The following PLIN2 variants were observed in gnomAD, a reference collection of about 807,000 sequenced individuals.
PLIN2 encodes the protein perilipin-2.
Under a neutral mutation model 30.6 loss-of-function variants are expected in PLIN2, and 33 were observed. The observed-to-expected ratio is 1.08, with a 90% CI of 0.82 to 1.44. PLIN2 has a LOEUF of 1.44. Ranked by LOEUF, PLIN2 falls within the 40% of genes most tolerant of loss-of-function variation. The probability of loss-of-function intolerance (pLI) is 0.00; values close to 1 mark genes in which losing one functional copy is unlikely to be tolerated. For missense variants in PLIN2, 610 were observed against 531.8 expected, an observed-to-expected ratio of 1.15 and a Z score of -1.45; for synonymous variants, 205 against 201.1, an observed-to-expected ratio of 1.02 and a Z score of -0.16.
Position 19,123,629 on chromosome 9 carries a change from T to C in PLIN2, c.245A>G (p.Tyr82Cys), listed in dbSNP as rs1402895647. 6.2e-6 allele frequency: 10 copies of C among 1,614,004 alleles called. No individual in the cohort carries two copies. Among genetic ancestry groups the C allele is most frequent in the Non-Finnish European group, 4.2e-6 (5 of 1,179,906 alleles). Reference sequence around the variant, plus strand: ...AATCCTGTCTAGCCCCTTACAGGCATAGGTATTGGCAACTGCAACTAGAAT... The same window carrying C: ...AATCCTGTCTAGCCCCTTACAGGCACAGGTATTGGCAACTGCAACTAGAAT... ...LEPQIAVANTYACKGLDRIEE... is the reference protein window; with the variant it reads ...LEPQIAVANTCACKGLDRIEE... Residue 82 changes from tyrosine (Y) to cysteine (C), a missense_variant, in exon 4 of 8, where the codon TAT (tyrosine) becomes TGT (cysteine). Coordinates refer to ENST00000276914, the MANE Select transcript of PLIN2 (RefSeq NM_001122.4).
At chr9:19,126,762 C>T (rs1451557819) in intron 1 of PLIN2, among the ~76,000 whole-genome samples, 1 of 152,212 alleles carries the variant, frequency 6.6e-6, no homozygotes, top group East Asian at 1.9e-4. Flanking sequence ...GCTAGCCAAG[C>T]CGGACGCGGT....
At position 19,116,580 on chromosome 9, in the gene PLIN2, G is replaced by A. The variant is rs372188927; in HGVS notation, c.982C>T (p.Leu328Phe). Residue 328 changes from leucine (L) to phenylalanine (F), a missense_variant, in exon 8 of 8, where the codon CTC becomes TTC. By Grantham distance (22) the Leu-to-Phe change is conservative (BLOSUM62 0). Coordinates refer to ENST00000276914, the MANE Select transcript of PLIN2 (RefSeq NM_001122.4). ...TQQLQTTCHTLLSNIQGVPQN... is the reference protein window; with the variant it reads ...TQQLQTTCHTFLSNIQGVPQN... ...GGTACACCTTGGATGTTGGACAGGA[G>A]GGTGTGGCACGTGGTCTGGAGCTGC... is the stretch of plus-strand genomic sequence containing the variant. 4.3e-6 allele frequency: 7 copies of A among 1,614,030 alleles called. No homozygotes were observed. In the African/African-American group the frequency reaches 9.3e-5, roughly 22 times the overall value.
intron 3 of PLIN2, chr9:19,125,531 C>T (rs1588648249): frequency 6.6e-6 from 1 of 152,408 alleles, no homozygotes; most frequent in East Asian, 1.9e-4. Context: ...AGCGATCCTC[C>T]CATCTAGACC....
intron 7 of PLIN2, among the ~76,000 whole-genome samples, chr9:19,117,961 T>C (rs1818256440): frequency 6.6e-6 from 1 of 152,214 alleles, no homozygotes; most frequent in Non-Finnish European, 1.5e-5. Context: ...CGGACTTGGC[T>C]ACTCTGAGTG....
chr9:19,116,526 T>C lies in PLIN2; in HGVS notation c.1036A>G (p.Met346Val), dbSNP rs528198390. The C allele has an allele frequency of 3.1e-6, 5 of 1,614,188 alleles. 1 individual carries two copies. The South Asian group carries it at 4.4e-5, about 14-fold the overall frequency. The change falls in exon 8 of 8, where the codon ATG becomes GTG. Residue 346 changes from methionine to valine, a missense_variant. Coordinates refer to ENST00000276914, the MANE Select transcript of PLIN2 (RefSeq NM_001122.4). The stretch of plus-strand genomic sequence containing the variant: ...TAGATGTCGCCTGCCATCACCCCCA[T>C]GTGCTTGGCTTGATCTTGGATGTTC... ...PQNIQDQAKH[M>V]GVMAGDIYSV...
chr9:19,116,689 G>A, intron 7 of PLIN2, 40 bp from the exon 8 acceptor site: 6 of 1,568,172 alleles, frequency 3.8e-6, no homozygotes, highest in Non-Finnish European at 5.2e-6. Context: ...ATCCAACAGT[G>A]CTATGTATAA....
intron 7 of PLIN2, among the ~76,000 whole-genome samples, chr9:19,118,054 T>C (rs1257077375): frequency 1.3e-5 from 2 of 152,246 alleles, no homozygotes; most frequent in African/African-American, 4.8e-5. Context: ...TATCCCCTGT[T>C]AGTCTGTACC....
intron 2 of PLIN2, among the ~76,000 whole-genome samples, chr9:19,108,923 C>G (rs1818124828): frequency 6.6e-6 from 1 of 152,160 alleles, no homozygotes; most frequent in Non-Finnish European, 1.5e-5. Flanking sequence ...TATAAAAGCA[C>G]TAAGGAAACC....
chr9:19,110,085 G>A lies in PLIN2; in HGVS notation n.418-1338C>T, dbSNP rs546801299. ...CTCCCCCAGGTTGGAGTGCAGTGGC[G>A]TAATCTCAGCTGTCTGCAACCTCAG... is the stretch of plus-strand genomic sequence containing the variant. On this transcript the variant is annotated intron_variant and non_coding_transcript_variant, in intron 2 of 2. Transcript: ENST00000464326. 4.6e-5 allele frequency among the ~76,000 whole-genome samples: 7 copies of A among 152,224 alleles called. No individual in the cohort carries two copies. The South Asian group carries it at 1.5e-3, about 32-fold the overall frequency.
rs992461021 is a variant in PLIN2 at position 19,117,206 on chromosome 9, G to T, written c.913-557C>A. On this transcript the variant is annotated intron_variant, in intron 7 of 7. Coordinates refer to ENST00000276914, the MANE Select transcript of PLIN2 (RefSeq NM_001122.4). ...GACAGGGTCTCAGTCTGTTGCCCAGGCTGGAGGGCACTGGCACAATCATGG... is the reference window on the plus strand; with the variant it reads ...GACAGGGTCTCAGTCTGTTGCCCAGTCTGGAGGGCACTGGCACAATCATGG... 2.0e-5 allele frequency among the ~76,000 whole-genome samples: 3 copies of T among 151,752 alleles called. No individual in the cohort carries two copies. The South Asian group carries it at 6.3e-4, about 32-fold the overall frequency.
Position 19,116,093 on chromosome 9 carries a change from C to CT in PLIN2, c.*154dup. 1 of 627,620 alleles carries CT rather than the reference C, an allele frequency of 1.6e-6. No individual in the cohort carries two copies. Among genetic ancestry groups the CT allele is most frequent in the Non-Finnish European group, 2.6e-6 (1 of 384,616 alleles). The allele number at this position is 627,620 out of a possible 1,614,324, so 38.9% of individuals were successfully genotyped here. A position where few individuals can be genotyped will look rare whatever the true frequency, so the allele number is the denominator to read the frequency against. ...AGAAATCATCTGCTAATGCCAGAAACTTTAAAGCTCTTAATTCAGCTGGAA... is the reference window on the plus strand; with the variant it reads ...AGAAATCATCTGCTAATGCCAGAAACTTTTAAAGCTCTTAATTCAGCTGGAA... On this transcript the variant is annotated 3_prime_UTR_variant, in exon 8 of 8. Transcript: ENST00000276914.
rs144179472 is a variant in PLIN2, at chr9:19,116,486, T to C, written c.1076A>G (p.Asn359Ser). The C allele has an allele frequency of 1.3e-3, 2,131 of 1,614,220 alleles. 10 individuals carry two copies. The highest frequency in any genetic ancestry group is 4.8e-3 in the South Asian group (435 of 91,084). ...MAGDIYSVFR[N>S]AASFKEVSDS... ...AGACACTTCTTTAAAGGAGGCAGCA[T>C]TGCGGAACACTGAGTAGATGTCGCC... Residue 359 changes from asparagine (N) to serine (S), a missense_variant, in exon 8 of 8, where the codon AAT becomes AGT. Transcript: ENST00000276914.
intron 3 of PLIN2, 23 bp downstream of exon 3, chr9:19,126,091 C>T (rs746505059): frequency 1.2e-6 from 2 of 1,606,662 alleles, no homozygotes; most frequent in Non-Finnish European, 1.7e-6. Flanking sequence ...CCTTGACTTG[C>T]ATCTTGAAAA....
At chr9:19,121,896 A>G (rs1818323341) in intron 4 of PLIN2, among the ~76,000 whole-genome samples, 1 of 152,164 alleles carries the variant, frequency 6.6e-6, no homozygotes, top group Admixed American at 6.6e-5. Flanking sequence ...GCACCATTAC[A>G]CTACAGCCTG....
At chr9:19,109,179 G>A (rs1818127415) in intron 2 of PLIN2, among the ~76,000 whole-genome samples, 1 of 151,976 alleles carries the variant, frequency 6.6e-6, no homozygotes, top group Admixed American at 6.6e-5. Context: ...AAGCCTTTAG[G>A]GACAAGAAAC....
At chr9:19,123,130 A>G (rs1818344947) in intron 4 of PLIN2, 1 of 523,798 alleles carries the variant, frequency 1.9e-6, no homozygotes, top group African/African-American at 1.9e-5. Flanking sequence ...ATCTGAACCA[A>G]AGGATCACCA....
chr9:19,113,810 C>T (rs1244370064), downstream of PLIN2, among the ~76,000 whole-genome samples: 8 of 143,610 alleles, frequency 5.6e-5, no homozygotes, highest in African/African-American at 1.3e-4. Context: ...CTCGCCCTGT[C>T]GCTGGACAGG....
chr9:19,110,641 A>G (rs1384317221), intron 2 of PLIN2, among the ~76,000 whole-genome samples: 4 of 151,510 alleles, frequency 2.6e-5, no homozygotes, highest in Non-Finnish European at 2.9e-5. Flanking sequence ...ACACCCGGCT[A>G]ATTTTTGTAT....
chr9:19,123,709 C>A, intron 3 of PLIN2, 62 bp from the exon 4 acceptor site: 5 of 1,395,176 alleles, frequency 3.6e-6, no homozygotes, highest in Non-Finnish European at 5.0e-6. Context: ...ACACACATTA[C>A]CATAGGCCTT....
Sources: gnomAD v4.1 joint callset for allele counts (sites outside exome capture counted in the v4.1 genomes callset) on GRCh38, gnomAD v4.1.1 for gene constraint, MANE v1.5 for transcripts, NCBI Gene and HGNC (gene_info 2026-07-23, HGNC 2026-07-21) for gene names.